The following LGSN variants were observed in gnomAD, a reference collection of about 807,000 sequenced individuals.
LGSN encodes lengsin, lens protein with glutamine synthetase domain, also known as lengsin.
In LGSN, 21 loss-of-function variants were observed where a neutral mutation model predicts 19.5. The observed-to-expected ratio is 1.07, with a 90% CI of 0.76 to 1.55. The LOEUF (loss-of-function observed/expected upper bound fraction) is 1.55. Among genes scored for constraint, LGSN ranks in the 40% most tolerant of loss-of-function variants. The pLI, the probability that LGSN is intolerant of heterozygous loss-of-function variation, is 0.00. For missense variants in LGSN, 673 were observed against 608.5 expected, an observed-to-expected ratio of 1.11 and a Z score of -1.12; for synonymous variants, 257 against 215.6, an observed-to-expected ratio of 1.19 and a Z score of -1.68.
chr6:63,330,250 G>C, the LGSN span, among the ~76,000 whole-genome samples: 2 of 152,164 alleles, frequency 1.3e-5, no homozygotes, highest in African/African-American at 4.8e-5. Context: ...CCTACCAAGT[G>C]ATTGGCCTGC....
chr6:63,389,652 C>T, the LGSN span, among the ~76,000 whole-genome samples: 1 of 152,176 alleles, frequency 6.6e-6, no homozygotes, highest in Non-Finnish European at 1.5e-5. Context: ...CCACTCTGTG[C>T]TGTGAAACTG....
At chr6:63,378,346 G>A in the LGSN span, among the ~76,000 whole-genome samples, 6 of 152,080 alleles carry the variant, frequency 3.9e-5, no homozygotes, top group Non-Finnish European at 8.8e-5. Flanking sequence ...CTATTGGTTA[G>A]CACTAGTCAT....
chr6:63,383,365 ATTAC>A, the LGSN span, among the ~76,000 whole-genome samples: 2 of 140,832 alleles, frequency 1.4e-5, no homozygotes, highest in South Asian at 2.2e-4. Context: ...TTGTTTAACC[ATTAC>A]TTACACACAC....
At chr6:63,318,536 C>A (rs1768955732) in intron 1 of LGSN, among the ~76,000 whole-genome samples, 1 of 152,158 alleles carries the variant, frequency 6.6e-6, no homozygotes, top group Non-Finnish European at 1.5e-5. Flanking sequence ...TTTATTACAT[C>A]TAGTAAATAC....
the LGSN span, among the ~76,000 whole-genome samples, chr6:63,419,544 T>G: frequency 6.6e-5 from 10 of 152,046 alleles, no homozygotes; most frequent in Non-Finnish European, 1.3e-4. Flanking sequence ...TTTTGAGGCC[T>G]CCTTACCAGG....
At chr6:63,384,728 G>A in the LGSN span, among the ~76,000 whole-genome samples, 1 of 152,120 alleles carries the variant, frequency 6.6e-6, no homozygotes, top group African/African-American at 2.4e-5. Flanking sequence ...TGTTGGTCAA[G>A]CTAGCTGGTC....
the LGSN span, among the ~76,000 whole-genome samples, chr6:63,526,175 A>C: frequency 6.6e-6 from 1 of 152,022 alleles, no homozygotes; most frequent in East Asian, 1.9e-4. Flanking sequence ...AAATACAAAA[A>C]TTAGCTGGGC....
At chr6:63,566,157 C>T in the LGSN span, among the ~76,000 whole-genome samples, 2 of 152,218 alleles carry the variant, frequency 1.3e-5, no homozygotes, top group East Asian at 3.8e-4. Context: ...CAGGAGAATT[C>T]GTACAACAGA....
chr6:63,342,053 G>T, the LGSN span, among the ~76,000 whole-genome samples: 12 of 152,160 alleles, frequency 7.9e-5, no homozygotes, highest in African/African-American at 2.7e-4. Context: ...AAGTAGTGAT[G>T]GTACAAGTCA....
At chr6:63,510,660 A>AT in the LGSN span, among the ~76,000 whole-genome samples, 997 of 111,976 alleles carry the variant, frequency 8.9e-3, 41 homozygotes, top group Non-Finnish European at 0.011. Flanking sequence ...CAAGAAGCGA[A>AT]TTTTTTTTTT....
At chr6:63,329,371 G>A in the LGSN span, among the ~76,000 whole-genome samples, 37 of 152,320 alleles carry the variant, frequency 2.4e-4, no homozygotes, top group Admixed American at 9.1e-4. Context: ...GTATTTGAGA[G>A]AGCAGGGTAT....
chr6:63,357,450 C>A, the LGSN span, among the ~76,000 whole-genome samples: 1 of 145,628 alleles, frequency 6.9e-6, no homozygotes, highest in Non-Finnish European at 1.5e-5. Context: ...GTCCCACCAA[C>A]AGTGTAAAGT....
chr6:63,480,986 T>TACAC, the LGSN span, among the ~76,000 whole-genome samples: 631 of 43,860 alleles, frequency 0.014, 3 homozygotes, highest in Non-Finnish European at 0.026. Context: ...TATATATATA[T>TACAC]ACACACACAC....
the LGSN span, among the ~76,000 whole-genome samples, chr6:63,332,455 A>G: frequency 3.3e-5 from 5 of 152,030 alleles, no homozygotes; most frequent in African/African-American, 1.2e-4. Context: ...GTCAACCAAC[A>G]TGTTGTTGGG....
At chr6:63,571,976 G>A in the LGSN span, 47 of 152,328 alleles carry the variant, frequency 3.1e-4, no homozygotes, top group African/African-American at 1.1e-3. Context: ...GATGACGAAG[G>A]TACTCGGGGC....
At chr6:63,480,986 T>TATATATATATACAC in the LGSN span, among the ~76,000 whole-genome samples, 5 of 44,070 alleles carry the variant, frequency 1.1e-4, no homozygotes, top group Non-Finnish European at 2.1e-4. Flanking sequence ...TATATATATA[T>TATATATATATACAC]ACACACACAC....
At chr6:63,317,947 G>T (rs1450389616) in intron 1 of LGSN, among the ~76,000 whole-genome samples, 1 of 152,026 alleles carries the variant, frequency 6.6e-6, no homozygotes, top group African/African-American at 2.4e-5. Context: ...CACACACAAG[G>T]TTCTTGATAA....
the LGSN span, chr6:63,548,986 G>A: frequency 1.4e-6 from 1 of 734,462 alleles, no homozygotes. Context: ...CGCATTTTAT[G>A]ACACAGGGCA....
At chr6:63,388,046 T>G in the LGSN span, among the ~76,000 whole-genome samples, 41 of 151,814 alleles carry the variant, frequency 2.7e-4, no homozygotes, top group African/African-American at 8.7e-4. Flanking sequence ...TTTTGTTTTT[T>G]TTTTTTTTTA....
Sources: allele counts gnomAD v4.1 joint callset (sites outside exome capture counted in the v4.1 genomes callset), GRCh38; gene constraint gnomAD v4.1.1; transcripts MANE v1.5; gene names NCBI Gene and HGNC (gene_info 2026-07-23, HGNC 2026-07-21).